Variants in ITGA1 observed in about 807,000 individuals in gnomAD.
ITGA1 encodes integrin alpha-1.
Under a neutral mutation model 145.9 loss-of-function variants are expected in ITGA1, and 85 were observed. The ratio of observed to expected loss-of-function variants is 0.58; its 90% CI spans 0.49 to 0.70. ITGA1 has a LOEUF of 0.70. Ranked by LOEUF, ITGA1 falls within the 30% of genes least tolerant of loss-of-function variation. The pLI, the probability that ITGA1 is intolerant of heterozygous loss-of-function variation, is 0.00. For synonymous variants in ITGA1, 520 were observed against 495.3 expected (o/e 1.05, Z -0.66); for missense variants, 1,351 against 1,418.7 (o/e 0.95, Z 0.77).
In ITGA1 at chr5:52,937,534, G is replaced by T. The variant is rs2111897000; in HGVS notation, c.3078+20G>T. 1 of 1,368,196 alleles carries T rather than the reference G, an allele frequency of 7.3e-7. No homozygotes were observed. Among genetic ancestry groups the T allele is most frequent in the East Asian group, 2.3e-5 (1 of 43,744 alleles). 84.8% of individuals were successfully genotyped at this position (1,368,196 alleles called of 1,614,324 possible). A position where few individuals can be genotyped will look rare whatever the true frequency, so the allele number is the denominator to read the frequency against. On this transcript the variant is annotated intron_variant, in intron 24 of 28. Transcript: ENST00000282588. Reference sequence around the variant, plus strand: ...TCTGAGGTAAGTCATGTGTGCCTTGGAATTATGTCATTACTGTTATCTTTT... The same window carrying T: ...TCTGAGGTAAGTCATGTGTGCCTTGTAATTATGTCATTACTGTTATCTTTT...
intron 18 of ITGA1, among the ~76,000 whole-genome samples, chr5:52,924,130 CA>C (rs749302649): frequency 6.4e-4 from 97 of 152,256 alleles, no homozygotes; most frequent in Admixed American, 1.2e-3. Flanking sequence ...TCTTTTTCCC[CA>C]TACACCTATC....
chr5:52,844,456 G>A (rs563738347), intron 1 of ITGA1, among the ~76,000 whole-genome samples: 117 of 152,262 alleles, frequency 7.7e-4, no homozygotes, highest in African/African-American at 2.7e-3. Flanking sequence ...TGTAAAAATT[G>A]AATTAATATG....
In ITGA1 at chr5:52,871,480, C is replaced by T. The variant is rs372918984; in HGVS notation, c.624+5663C>T. ...GTATTGATTAGTTACACATTTGGTA[C>T]AATAGATATAGATTGAATATGATTC... On this transcript the variant is annotated intron_variant, in intron 6 of 28. Transcript: ENST00000282588. Among the ~76,000 whole-genome samples the T allele has an allele frequency of 4.2e-4, 64 of 151,984 alleles. No homozygotes were observed. The South Asian group carries it at 0.013, about 31-fold the overall frequency.
At chr5:52,927,490 A>T (rs1357901362) in intron 19 of ITGA1, 94 bp from the exon 20 acceptor site, 4 of 760,700 alleles carry the variant, frequency 5.3e-6, no homozygotes, top group South Asian at 2.0e-5. Context: ...GTGGCAAGGC[A>T]GTCACCAAGA....
In ITGA1 at chr5:52,915,885, G is replaced by A. The variant is rs369716236; in HGVS notation, c.1988+291G>A. Among the ~76,000 whole-genome samples, 105 of 152,268 alleles carry A rather than the reference G, an allele frequency of 6.9e-4. 1 individual carries two copies. The highest frequency in any genetic ancestry group is 2.4e-3 in the African/African-American group (100 of 41,564). On this transcript the variant is annotated intron_variant, in intron 15 of 28. Transcript: ENST00000282588. ...ATAGGGGAAGAGAAGATCTTATAGA[G>A]GATGTATATAAACAAGAAAATATCC...
chr5:52,819,908 C>T (rs1748846214), intron 1 of ITGA1, among the ~76,000 whole-genome samples: 1 of 152,092 alleles, frequency 6.6e-6, no homozygotes, highest in Non-Finnish European at 1.5e-5. Flanking sequence ...ATAGGGAATC[C>T]TTTCCCCATT....
At chr5:52,792,941 CAT>C (rs1393216209) in intron 1 of ITGA1, among the ~76,000 whole-genome samples, 1 of 152,126 alleles carries the variant, frequency 6.6e-6, no homozygotes, top group African/African-American at 2.4e-5. Context: ...CAAATGACTG[CAT>C]ATATTTCTAT....
chr5:52,874,313 T>A (rs1358225707), intron 6 of ITGA1, among the ~76,000 whole-genome samples: 1 of 151,370 alleles, frequency 6.6e-6, no homozygotes, highest in Admixed American at 6.6e-5. Context: ...TGTGATAAAG[T>A]CCCTCTTGAC....
intron 12 of ITGA1, among the ~76,000 whole-genome samples, chr5:52,908,596 A>G (rs1382385701): frequency 1.3e-5 from 2 of 152,172 alleles, no homozygotes; most frequent in Admixed American, 1.3e-4. Flanking sequence ...AGTATTACTG[A>G]CCTTTTCTGA....
chr5:52,911,352 GTATA>G (rs965822800), intron 14 of ITGA1, among the ~76,000 whole-genome samples: 1 of 133,552 alleles, frequency 7.5e-6, no homozygotes, highest in African/African-American at 2.7e-5. Context: ...AGTATATAGT[GTATA>G]TATAGTGTAT....
intron 27 of ITGA1, among the ~76,000 whole-genome samples, chr5:52,946,722 C>T (rs773005182): frequency 2.0e-5 from 3 of 152,086 alleles, no homozygotes; most frequent in South Asian, 4.1e-4. Flanking sequence ...ACACTAAAAG[C>T]GGTCCATTTT....
chr5:52,933,120 T>C (rs1750916194), intron 22 of ITGA1: 1 of 152,128 alleles, frequency 6.6e-6, no homozygotes, highest in East Asian at 1.9e-4. Context: ...CAAACATTTA[T>C]CTTTTTTTTG....
In ITGA1 at chr5:52,896,845, G is replaced by A. The variant is rs577448332; in HGVS notation, c.1091-610G>A. Among the ~76,000 whole-genome samples, 7 of 152,204 alleles carry A rather than the reference G, an allele frequency of 4.6e-5. No individual in the cohort carries two copies. The East Asian group carries it at 1.3e-3, about 29-fold the overall frequency. ...AAATGTATGATTGAATGGCATGTGG[G>A]CAGCCCTATCACAAAGACCCCTCTG... is the stretch of plus-strand genomic sequence containing the variant. On this transcript the variant is annotated intron_variant, in intron 9 of 28. Coordinates refer to ENST00000282588, the MANE Select transcript of ITGA1 (RefSeq NM_181501.2).
chr5:52,939,307 G>GT (rs1388034813), intron 24 of ITGA1, among the ~76,000 whole-genome samples: 1 of 151,826 alleles, frequency 6.6e-6, no homozygotes, highest in Non-Finnish European at 1.5e-5. Context: ...TATTAATCAC[G>GT]TAATAGTAAG....
intron 2 of ITGA1, 96 bp downstream of exon 2, chr5:52,849,581 C>T (rs1485892709): frequency 9.3e-7 from 1 of 1,078,670 alleles, no homozygotes; most frequent in African/African-American, 1.6e-5. Flanking sequence ...GAAACTTTAA[C>T]AGAATGAATT....
chr5:52,849,502 T>G lies in ITGA1; in HGVS notation c.182+17T>G. The G allele has an allele frequency of 6.3e-7, 1 of 1,577,314 alleles. No individual in the cohort carries two copies. The highest frequency in any genetic ancestry group is 1.3e-5 in the African/African-American group (1 of 74,300). ...AGGAAAATGGTAAGCCAGTGGGTTT[T>G]GTTGTTGTTATTTACTTATTTCACA... On this transcript the variant is annotated intron_variant, in intron 2 of 28. Coordinates refer to ENST00000282588, the MANE Select transcript of ITGA1 (RefSeq NM_181501.2).
intron 15 of ITGA1, among the ~76,000 whole-genome samples, chr5:52,916,284 T>A (rs949825165): frequency 4.6e-5 from 7 of 152,066 alleles, no homozygotes; most frequent in Non-Finnish European, 7.4e-5. Flanking sequence ...ACATGATAAT[T>A]TTGAAAAATA....
chr5:52,928,960 C>T (rs899878743), intron 20 of ITGA1, among the ~76,000 whole-genome samples: 6 of 152,112 alleles, frequency 3.9e-5, no homozygotes, highest in African/African-American at 7.2e-5. Context: ...GACTTAATTT[C>T]GGCTTTGTGG....
chr5:52,830,053 CAA>C (rs1319315842), intron 1 of ITGA1, among the ~76,000 whole-genome samples: 2 of 151,938 alleles, frequency 1.3e-5, no homozygotes, highest in Admixed American at 6.6e-5. Flanking sequence ...ATTTTCTTCC[CAA>C]GAGTGATATT....
Sources: gnomAD v4.1 joint callset for allele counts (sites outside exome capture counted in the v4.1 genomes callset) on GRCh38, gnomAD v4.1.1 for gene constraint, MANE v1.5 for transcripts, NCBI Gene and HGNC (gene_info 2026-07-23, HGNC 2026-07-21) for gene names.